TMLHE: variants seen among roughly 807,000 people sequenced by gnomAD.
TMLHE encodes the protein trimethyllysine hydroxylase, epsilon.
TMLHE carries 18 observed loss-of-function variants against 25.7 expected under a neutral mutation model. The ratio of observed to expected loss-of-function variants is 0.70; its 90% CI spans 0.48 to 1.04. The LOEUF is 1.04. Among genes scored for constraint, TMLHE ranks in the 50% least tolerant of loss-of-function variants. The pLI, the probability that TMLHE is intolerant of heterozygous loss-of-function variation, is 0.00. For synonymous variants in TMLHE, 105 were observed against 97.0 expected, an observed-to-expected ratio of 1.08 and a Z score of -0.49; for missense variants, 236 against 259.0, an observed-to-expected ratio of 0.91 and a Z score of 0.61.
intron 1 of TMLHE, among the ~76,000 whole-genome samples, chrX:155,585,778 G>A (rs958920321): frequency 9.0e-6 from 1 of 111,540 alleles, no homozygotes; most frequent in Non-Finnish European, 1.9e-5. Context: ...CTTCCCACAG[G>A]CACATGAGAC....
At chrX:155,527,050 T>C in intron 2 of TMLHE, among the ~76,000 whole-genome samples, 1 of 112,325 alleles carries the variant, frequency 8.9e-6, no homozygotes. Flanking sequence ...GTTAAGACTT[T>C]AGGAGACCGT....
chrX:155,552,231 G>T (rs1304300028), intron 1 of TMLHE, among the ~76,000 whole-genome samples: 1 of 109,794 alleles, frequency 9.1e-6, no homozygotes, highest in African/African-American at 3.4e-5. Context: ...TTTAGTTACA[G>T]TATTATTCTA....
chrX:155,549,183 T>C (rs1164679020), intron 1 of TMLHE, among the ~76,000 whole-genome samples: 2 of 111,359 alleles, frequency 1.8e-5, no homozygotes, highest in African/African-American at 6.6e-5. Context: ...ATGTCATATA[T>C]GAATAGAGTT....
At chrX:155,556,390 C>T (rs906685882) in intron 1 of TMLHE, among the ~76,000 whole-genome samples, 2 of 111,062 alleles carry the variant, frequency 1.8e-5, no homozygotes, top group Non-Finnish European at 3.8e-5. Flanking sequence ...TAAGCATCGG[C>T]TGGCTTGAGA....
chrX:155,574,412 C>CA (rs1219647908), intron 1 of TMLHE, among the ~76,000 whole-genome samples: 1 of 112,206 alleles, frequency 8.9e-6, no homozygotes, highest in Non-Finnish European at 1.9e-5. Flanking sequence ...TCCCATCCCA[C>CA]ATGCAGATCC....
intron 1 of TMLHE, among the ~76,000 whole-genome samples, chrX:155,548,336 C>G (rs2067369662): frequency 1.8e-5 from 2 of 111,993 alleles, no homozygotes; most frequent in African/African-American, 6.5e-5. Flanking sequence ...AAATAATTTG[C>G]CAACCACCCA....
chrX:155,534,243 C>G (rs1557337372), intron 2 of TMLHE, among the ~76,000 whole-genome samples: 1 of 112,006 alleles, frequency 8.9e-6, no homozygotes, highest in African/African-American at 3.3e-5. Flanking sequence ...GCCACTCCCA[C>G]CACAGGCCCA....
intron 2 of TMLHE, among the ~76,000 whole-genome samples, chrX:155,541,531 A>T (rs1401980749): frequency 9.0e-6 from 1 of 111,638 alleles, no homozygotes; most frequent in Non-Finnish European, 1.9e-5. Context: ...TTTATAGTAG[A>T]ATGATTTATA....
At chrX:155,505,954 T>G (rs1254749904) in intron 6 of TMLHE, among the ~76,000 whole-genome samples, 1 of 111,419 alleles carries the variant, frequency 9.0e-6, no homozygotes, top group East Asian at 2.8e-4. Context: ...AAAGCTTGGC[T>G]GCAAGATGCA....
intron 5 of TMLHE, among the ~76,000 whole-genome samples, chrX:155,509,816 T>C (rs2067095823): frequency 9.0e-6 from 1 of 111,713 alleles, no homozygotes; most frequent in South Asian, 3.7e-4. Context: ...ACTCATATCT[T>C]TGTGTCTCAG....
At chrX:155,597,565 T>A (rs1320914149) in intron 1 of TMLHE, among the ~76,000 whole-genome samples, 1 of 111,940 alleles carries the variant, frequency 8.9e-6, no homozygotes, top group Admixed American at 9.5e-5. Context: ...ATTGTGGCAC[T>A]ATTCACAATA....
chrX:155,566,805 A>G (rs1393294025), intron 1 of TMLHE, among the ~76,000 whole-genome samples: 1 of 61,802 alleles, frequency 1.6e-5, no homozygotes, highest in African/African-American at 3.6e-5. Flanking sequence ...TCTTCACTCT[A>G]TATAAAATCT....
rs2067608472 is a variant in TMLHE at position 155,579,030 on chromosome X, A to T, written c.-1-33753T>A. ...CCCATTTACAATAGCTACAAAAAAT[A>T]AAATAGTAAGGAATATATTTAACCA... On this transcript the variant is annotated intron_variant, in intron 1 of 7. Coordinates refer to ENST00000334398, the MANE Select transcript of TMLHE (RefSeq NM_018196.4). Among the ~76,000 whole-genome samples, 7 of 112,079 alleles carry T rather than the reference A, an allele frequency of 6.2e-5. No homozygotes were observed. The Admixed American group carries it at 6.6e-4, about 11-fold the overall frequency.
At chrX:155,610,889 C>T (rs1322611501) in intron 1 of TMLHE, among the ~76,000 whole-genome samples, 1 of 110,009 alleles carries the variant, frequency 9.1e-6, no homozygotes, top group South Asian at 3.9e-4. Context: ...TCCTGTGCTG[C>T]CAATCTCAGT....
At chrX:155,511,531 C>G (rs888001944) in intron 5 of TMLHE, 142 bp downstream of exon 5, 3 of 579,884 alleles carry the variant, frequency 5.2e-6, no homozygotes, top group East Asian at 7.4e-5. Flanking sequence ...TCAAAATGAT[C>G]ATGTTTCTAG....
rs1227097745 is a variant in TMLHE, at chrX:155,572,189, T to A, written c.-1-26912A>T. Among the ~76,000 whole-genome samples the A allele has an allele frequency of 5.3e-5, 3 of 56,132 alleles. No individual in the cohort carries two copies. In the Admixed American group the frequency reaches 6.2e-4, roughly 12 times the overall value. The allele number at this position is 56,132 out of a possible 115,157, so 48.7% of individuals were successfully genotyped here. A position where few individuals can be genotyped will look rare whatever the true frequency, so the allele number is the denominator to read the frequency against. ...AATCACAAGCATTCTTATACACCAA[T>A]AACAGACAAACTGAGAGCCAAATCA... On this transcript the variant is annotated intron_variant, in intron 1 of 7. Coordinates refer to ENST00000334398, the MANE Select transcript of TMLHE (RefSeq NM_018196.4).
At chrX:155,548,382 C>G (rs1248043250) in intron 1 of TMLHE, among the ~76,000 whole-genome samples, 3 of 112,141 alleles carry the variant, frequency 2.7e-5, no homozygotes, top group East Asian at 2.8e-4. Flanking sequence ...AATTTGCAAA[C>G]TGGCAGCAGG....
chrX:155,611,023 G>A (rs1557348269), intron 1 of TMLHE, among the ~76,000 whole-genome samples: 1 of 111,682 alleles, frequency 9.0e-6, no homozygotes, highest in Non-Finnish European at 1.9e-5. Flanking sequence ...CTGCCAAATA[G>A]CCAATGCAAA....
rs1245999025 is a variant in TMLHE at position 155,578,085 on chromosome X, G to A, written c.-1-32808C>T. 3.8e-4 allele frequency among the ~76,000 whole-genome samples: 42 copies of A among 111,458 alleles called. 1 individual carries two copies. Among genetic ancestry groups the A allele is most frequent in the Non-Finnish European group, 2.6e-4 (14 of 53,034 alleles). Reference sequence around the variant, plus strand: ...CCAGGAGGGAGATGGGGGAGGCCTGGCACTTTTACATGCCCCAAGGAAAAG... The same window carrying A: ...CCAGGAGGGAGATGGGGGAGGCCTGACACTTTTACATGCCCCAAGGAAAAG... On this transcript the variant is annotated intron_variant, in intron 1 of 7. Coordinates refer to ENST00000334398, the MANE Select transcript of TMLHE (RefSeq NM_018196.4).
Sources: allele counts gnomAD v4.1 joint callset (sites outside exome capture counted in the v4.1 genomes callset), GRCh38; gene constraint gnomAD v4.1.1; transcripts MANE v1.5; gene names NCBI Gene and HGNC (gene_info 2026-07-23, HGNC 2026-07-21).